The following OPRM1 variants were observed in gnomAD, a reference collection of about 807,000 sequenced individuals.
OPRM1 encodes the protein mu-type opioid receptor.
Under a neutral mutation model 31.8 loss-of-function variants are expected in OPRM1, and 27 were observed. The observed-to-expected ratio is 0.85, with a 90% CI of 0.63 to 1.17. The LOEUF is 1.17. OPRM1 is among the 50% of genes most tolerant of loss of function. OPRM1 has a pLI of 0.00. For synonymous variants in OPRM1, 196 were observed against 189.9 expected, an observed-to-expected ratio of 1.03 and a Z score of -0.26; for missense variants, 536 against 511.1, an observed-to-expected ratio of 1.05 and a Z score of -0.47.
Position 154,100,099 on chromosome 6 carries a change from T to TAA in OPRM1, c.1164+8627_1164+8628insAA, listed in dbSNP as rs1583542739. On this transcript the variant is annotated intron_variant, in intron 3 of 3. Coordinates refer to ENST00000330432, the MANE Select transcript of OPRM1 (RefSeq NM_000914.5). Reference sequence around the variant, plus strand: ...TATCATATTATATATTATCATATTATGATATATATATTATATATTATCATA... The same window carrying TAA: ...TATCATATTATATATTATCATATTATAAGATATATATATTATATATTATCATA... Among the ~76,000 whole-genome samples the TAA allele has an allele frequency of 1.1e-4, 7 of 61,466 alleles. 2 individuals are homozygous for TAA. Among genetic ancestry groups the TAA allele is most frequent in the Admixed American group, 2.3e-4 (1 of 4,378 alleles). 40.3% of individuals were successfully genotyped at this position (61,466 alleles called of 152,430 possible).
At position 154,091,032 on chromosome 6, in the gene OPRM1, G is replaced by A. The variant is rs552231464; in HGVS notation, c.724G>A (p.Ala242Thr). The change falls in exon 3 of 4, where the codon GCC becomes ACC. Residue 242 changes from alanine to threonine, a missense_variant. Ala to Thr is a moderately conservative substitution (Grantham distance 58). Transcript: ENST00000330432. ...GCTGAAGATCTGTGTTTTCATCTTC[G>A]CCTTCATTATGCCAGTGCTCATCAT... ...NLLKICVFIF[A>T]FIMPVLIITV... is the part of the protein sequence containing the mutation. 5.0e-6 allele frequency: 8 copies of A among 1,614,040 alleles called. No individual in the cohort carries two copies. The highest frequency in any genetic ancestry group is 3.3e-5 in the South Asian group (3 of 91,088).
chr6:154,066,108 G>A (rs188583350), intron 1 of OPRM1, among the ~76,000 whole-genome samples: 14 of 152,210 alleles, frequency 9.2e-5, no homozygotes, highest in Admixed American at 9.2e-4. Context: ...TTTCATTCCA[G>A]AAATAAATCC....
intron 3 of OPRM1, among the ~76,000 whole-genome samples, chr6:154,212,554 C>T (rs901919500): frequency 6.6e-6 from 1 of 152,188 alleles, no homozygotes; most frequent in African/African-American, 2.4e-5. Flanking sequence ...GGTACATCTT[C>T]GGGTCACACA....
chr6:154,127,395 G>C lies in OPRM1; in HGVS notation c.*8674G>C, dbSNP rs899486837. On this transcript the variant is annotated 3_prime_UTR_variant, in exon 4 of 4. Coordinates refer to ENST00000330432, the MANE Select transcript of OPRM1 (RefSeq NM_000914.5). ...TATGCCCTACTTGCCTACTCTTCAAGGGTTTAGGGGCTTAGGGGGAGGTTT... is the reference window on the plus strand; with the variant it reads ...TATGCCCTACTTGCCTACTCTTCAACGGTTTAGGGGCTTAGGGGGAGGTTT... Among the ~76,000 whole-genome samples the C allele has an allele frequency of 6.6e-6, 1 of 152,156 alleles. No individual in the cohort carries two copies. Among genetic ancestry groups the C allele is most frequent in the Admixed American group, 6.5e-5 (1 of 15,272 alleles).
chr6:154,185,197 C>G (rs183176978), intron 3 of OPRM1, among the ~76,000 whole-genome samples: 1 of 152,252 alleles, frequency 6.6e-6, no homozygotes, highest in Non-Finnish European at 1.5e-5. Context: ...GAAAACAGAG[C>G]CTAGCAAGGG....
intron 1 of OPRM1, among the ~76,000 whole-genome samples, chr6:154,079,871 T>C (rs1788710161): frequency 6.6e-6 from 1 of 152,136 alleles, no homozygotes. Flanking sequence ...CAACTGCACC[T>C]GGTCAGAAAA....
chr6:154,140,398 T>C (rs1798169387), intron 3 of OPRM1, among the ~76,000 whole-genome samples: 1 of 151,906 alleles, frequency 6.6e-6, no homozygotes, highest in African/African-American at 2.4e-5. Context: ...TGGCACGATC[T>C]CAGATCACTG....
chr6:154,069,295 G>A (rs1229001520), intron 1 of OPRM1, among the ~76,000 whole-genome samples: 3 of 152,154 alleles, frequency 2.0e-5, no homozygotes, highest in African/African-American at 7.2e-5. Flanking sequence ...CTGGAGTGCA[G>A]TAGCCAGATC....
At position 154,160,648 on chromosome 6, in the gene OPRM1, C is replaced by T. The variant is rs995173523; in HGVS notation, c.1164+69176C>T. On this transcript the variant is annotated intron_variant, in intron 3 of 3. Transcript: ENST00000337049. ...TTGGTGCTATTCCATTCTGCCTCCT[C>T]TGTAACCAATGGCACACATTTCTGA... 1.7e-4 allele frequency among the ~76,000 whole-genome samples: 26 copies of T among 152,294 alleles called. 1 individual carries two copies. Among genetic ancestry groups the T allele is most frequent in the Admixed American group, 3.9e-4 (6 of 15,292 alleles).
intron 3 of OPRM1, among the ~76,000 whole-genome samples, chr6:154,100,218 CAT>C (rs77321666): frequency 5.2e-5 from 1 of 19,122 alleles, no homozygotes; most frequent in Non-Finnish European, 9.8e-5. Context: ...CATATTATGA[CAT>C]ATCGTAATAT....
At chr6:154,222,111 C>A (rs1247310842) in intron 3 of OPRM1, among the ~76,000 whole-genome samples, 52 of 152,172 alleles carry the variant, frequency 3.4e-4, no homozygotes, top group Admixed American at 3.4e-3. Flanking sequence ...AGCAACACAT[C>A]AGAAATCTTA....
chr6:154,210,341 A>G (rs1777865311), intron 3 of OPRM1, among the ~76,000 whole-genome samples: 1 of 152,212 alleles, frequency 6.6e-6, no homozygotes, highest in African/African-American at 2.4e-5. Context: ...GTGAGGGAGA[A>G]TGAACTTGAG....
intron 3 of OPRM1, among the ~76,000 whole-genome samples, chr6:154,100,092 CATATTATGATATATATATTA>C (rs1794454203): frequency 1.7e-5 from 1 of 58,554 alleles, no homozygotes; most frequent in South Asian, 8.5e-4. Flanking sequence ...TATATATTAT[CATATTATGATATATATATTA>C]TATATTATCA....
chr6:154,049,378 A>G (rs961067991), intron 1 of OPRM1, among the ~76,000 whole-genome samples: 45 of 152,230 alleles, frequency 3.0e-4, no homozygotes, highest in African/African-American at 1.1e-3. Flanking sequence ...CTGAAAGAAG[A>G]CAGCAGAGCA....
At chr6:154,200,951 G>A (rs769919495) in intron 3 of OPRM1, among the ~76,000 whole-genome samples, 4 of 152,162 alleles carry the variant, frequency 2.6e-5, no homozygotes, top group Non-Finnish European at 2.9e-5. Flanking sequence ...GGGACCTGAT[G>A]GGAGGTGATT....
upstream of OPRM1, among the ~76,000 whole-genome samples, chr6:154,036,154 G>A (rs891156259): frequency 6.6e-6 from 1 of 151,922 alleles, no homozygotes; most frequent in African/African-American, 2.4e-5. Context: ...TGAAATTGAG[G>A]TGCTTTTATA....
rs999859043 is a variant in OPRM1, at chr6:154,131,644, A to G, written c.*12923A>G. On this transcript the variant is annotated 3_prime_UTR_variant, in exon 4 of 4. Coordinates refer to ENST00000330432, the MANE Select transcript of OPRM1 (RefSeq NM_000914.5). Reference sequence around the variant, plus strand: ...ACTGGTCATATTAAAATAAAAAAGTATAGAATAGTTTCTGTTTTACGGATT... The same window carrying G: ...ACTGGTCATATTAAAATAAAAAAGTGTAGAATAGTTTCTGTTTTACGGATT... Among the ~76,000 whole-genome samples the G allele has an allele frequency of 6.6e-6, 1 of 152,246 alleles. No homozygotes were observed. Among genetic ancestry groups the G allele is most frequent in the African/African-American group, 2.4e-5 (1 of 41,476 alleles).
At chr6:154,206,812 C>T (rs575083816) in intron 3 of OPRM1, among the ~76,000 whole-genome samples, 5 of 152,266 alleles carry the variant, frequency 3.3e-5, no homozygotes, top group Admixed American at 2.0e-4. Context: ...CCTACAGGTA[C>T]GAGGGCAGGA....
intron 1 of OPRM1, among the ~76,000 whole-genome samples, chr6:154,050,866 T>C (rs1460167308): frequency 6.6e-6 from 1 of 152,134 alleles, no homozygotes; most frequent in Non-Finnish European, 1.5e-5. Flanking sequence ...ACATTCCAAG[T>C]ACCCCGTAAA....
Sources: gnomAD v4.1 joint callset for allele counts (sites outside exome capture counted in the v4.1 genomes callset) on GRCh38, gnomAD v4.1.1 for gene constraint, MANE v1.5 for transcripts, NCBI Gene and HGNC (gene_info 2026-07-23, HGNC 2026-07-21) for gene names.